Variants in TRPS1 observed in about 807,000 individuals in gnomAD.
TRPS1 encodes the protein zinc finger transcription factor Trps1.
Under a neutral mutation model 101.2 loss-of-function variants are expected in TRPS1, and 6 were observed. The ratio of observed to expected loss-of-function variants is 0.06; its 90% CI spans 0.03 to 0.12. TRPS1 has a LOEUF of 0.12. Ranked by LOEUF, TRPS1 falls within the 10% of genes least tolerant of loss-of-function variation. TRPS1 has a pLI of 1.00. For missense variants in TRPS1, 1,363 were observed against 1,567.0 expected, an observed-to-expected ratio of 0.87 and a Z score of 2.20; for synonymous variants, 578 against 589.8, an observed-to-expected ratio of 0.98 and a Z score of 0.29.
At chr8:115,508,867 T>G (rs1815510552) in intron 5 of TRPS1, among the ~76,000 whole-genome samples, 13 of 151,972 alleles carry the variant, frequency 8.6e-5, no homozygotes, top group Admixed American at 8.5e-4. Flanking sequence ...CTACTTTCCC[T>G]GGGGGTACTT....
At chr8:115,571,863 AT>A (rs1350560131) in intron 5 of TRPS1, among the ~76,000 whole-genome samples, 6 of 151,874 alleles carry the variant, frequency 4.0e-5, no homozygotes, top group African/African-American at 1.4e-4. Flanking sequence ...TTTCATGTAT[AT>A]TTTTTTCTTT....
intron 2 of TRPS1, 130 bp from the exon 3 acceptor site, chr8:115,620,190 A>C (rs1818363817): frequency 4.5e-6 from 4 of 882,908 alleles, no homozygotes; most frequent in Non-Finnish European, 6.7e-6. Flanking sequence ...AGGAAAAAAA[A>C]AAAAACCCAT....
In TRPS1 at chr8:115,604,470, G is replaced by C; in HGVS notation, c.1499C>G (p.Ala500Gly). 6.2e-7 allele frequency: 1 copy of C among 1,614,020 alleles called. No individual in the cohort carries two copies. The highest frequency in any genetic ancestry group is 8.5e-7 in the Non-Finnish European group (1 of 1,179,988). The change falls in exon 4 of 7, where the codon GCC (alanine) becomes GGC (glycine). Residue 500 changes from alanine to glycine, a missense_variant. By Grantham distance (60) the Ala-to-Gly change is moderately conservative. Coordinates refer to ENST00000395715, the MANE Select transcript of TRPS1 (RefSeq NM_014112.5). This position sits in a 1 kb window ranked among gnomAD's most constrained non-coding sequence, Gnocchi z 4.1. ...CATTGTCTCTCCTTCTGAACTTTTG[G>C]CTAGATCATTCTGATTAATGACAGA... Reference protein sequence around the residue: ...RGSVINQNDLAKSSEGETMTK... With the variant: ...RGSVINQNDLGKSSEGETMTK...
intron 5 of TRPS1, among the ~76,000 whole-genome samples, chr8:115,445,636 C>T (rs2129902677): frequency 6.6e-6 from 1 of 152,126 alleles, no homozygotes; most frequent in Non-Finnish European, 1.5e-5. Context: ...TGTTCACTAA[C>T]AAAATGAGAA....
chr8:115,652,394 A>C (rs1008555791), intron 1 of TRPS1, among the ~76,000 whole-genome samples: 4 of 152,224 alleles, frequency 2.6e-5, no homozygotes, highest in Admixed American at 6.5e-5. Context: ...ATGTCTGAGT[A>C]GGTTTCTCTT....
intron 1 of TRPS1, among the ~76,000 whole-genome samples, chr8:115,654,080 G>A (rs2130615406): frequency 6.6e-6 from 1 of 152,280 alleles, no homozygotes; most frequent in East Asian, 1.9e-4. Context: ...AGAAACAAGG[G>A]ATTTAAGTAA....
intron 5 of TRPS1, chr8:115,515,111 A>G (rs1586353182): frequency 8.2e-6 from 5 of 611,128 alleles, no homozygotes; most frequent in Admixed American, 8.1e-5. Context: ...TCAGGGTCAC[A>G]GATTAAGTTG....
intron 5 of TRPS1, among the ~76,000 whole-genome samples, chr8:115,430,719 AC>A (rs1005864763): frequency 2.6e-5 from 4 of 152,154 alleles, no homozygotes; most frequent in African/African-American, 9.7e-5. Context: ...ACATGTACAT[AC>A]AAACATATAT....
rs557934204 is a variant in TRPS1, at chr8:115,598,759, T to C, written c.2096+5114A>G. Among the ~76,000 whole-genome samples the C allele has an allele frequency of 7.2e-5, 11 of 152,336 alleles. No individual in the cohort carries two copies. The South Asian group carries it at 2.3e-3, about 32-fold the overall frequency. On this transcript the variant is annotated intron_variant, in intron 4 of 6. Coordinates refer to ENST00000395715, the MANE Select transcript of TRPS1 (RefSeq NM_014112.5). ...GGCAGAAAATACAAGGTTGACTATT[T>C]GATGTTTTTTCCAAACTCTGAATAA...
At chr8:115,544,467 T>C (rs903282855) in intron 5 of TRPS1, among the ~76,000 whole-genome samples, 2 of 152,018 alleles carry the variant, frequency 1.3e-5, no homozygotes, top group Admixed American at 1.3e-4. Flanking sequence ...GCTGAGGATG[T>C]TGCTAGAGCT....
chr8:115,498,429 A>C (rs1410468786), intron 5 of TRPS1, among the ~76,000 whole-genome samples: 2,225 of 113,888 alleles, frequency 0.02, 13 homozygotes, highest in African/African-American at 0.029. Context: ...ATATATATAT[A>C]TATATATATA....
At chr8:115,523,518 C>T (rs575485271) in intron 5 of TRPS1, among the ~76,000 whole-genome samples, 1 of 152,108 alleles carries the variant, frequency 6.6e-6, no homozygotes, top group African/African-American at 2.4e-5. Context: ...GGCAATAGAG[C>T]GAGGCTCTGT....
intron 5 of TRPS1, among the ~76,000 whole-genome samples, chr8:115,422,024 T>A (rs1056540828): frequency 3.3e-5 from 5 of 152,224 alleles, no homozygotes; most frequent in African/African-American, 1.2e-4. Context: ...TACTTTATCC[T>A]GCATGGCAGT....
intron 4 of TRPS1, 120 bp downstream of exon 4, chr8:115,603,753 C>T: frequency 8.2e-7 from 1 of 1,226,804 alleles, no homozygotes; most frequent in Non-Finnish European, 1.1e-6. Flanking sequence ...TGGTCTTCTC[C>T]TATAACTTCC....
chr8:115,450,877 T>G (rs935623421), intron 5 of TRPS1, among the ~76,000 whole-genome samples: 1 of 152,128 alleles, frequency 6.6e-6, no homozygotes, highest in African/African-American at 2.4e-5. Flanking sequence ...ACATAACAAG[T>G]TATATATGTT....
intron 3 of TRPS1, among the ~76,000 whole-genome samples, chr8:115,611,468 A>C (rs1357503298): frequency 6.6e-6 from 1 of 152,242 alleles, no homozygotes; most frequent in African/African-American, 2.4e-5. Context: ...ATGGTTTAGC[A>C]CAAAAAGCTC....
At chr8:115,437,884 T>C (rs1813495016) in intron 5 of TRPS1, among the ~76,000 whole-genome samples, 1 of 152,230 alleles carries the variant, frequency 6.6e-6, no homozygotes, top group African/African-American at 2.4e-5. Context: ...GAGACTACTT[T>C]CTATATTCTT....
intron 4 of TRPS1, 21 bp from the exon 5 acceptor site, chr8:115,587,625 T>C (rs1817596738): frequency 6.2e-7 from 1 of 1,613,714 alleles, no homozygotes; most frequent in African/African-American, 1.3e-5. Flanking sequence ...AGAAAACAGT[T>C]ACTGCAAAGA....
intron 4 of TRPS1, among the ~76,000 whole-genome samples, chr8:115,593,580 C>A (rs946321124): frequency 6.6e-6 from 1 of 152,072 alleles, no homozygotes; most frequent in Non-Finnish European, 1.5e-5. Flanking sequence ...TGTCACACTT[C>A]CAAATAATAA....
Sources: gnomAD v4.1 joint callset for allele counts (sites outside exome capture counted in the v4.1 genomes callset) on GRCh38, gnomAD v4.1.1 for gene constraint, Gnocchi (gnomAD v3.1) non-coding constraint, MANE v1.5 for transcripts, NCBI Gene and HGNC (gene_info 2026-07-23, HGNC 2026-07-21) for gene names.